Variants in NCK2 observed in about 807,000 individuals in gnomAD.
The protein encoded by NCK2 is NCK adaptor protein 2, also known as cytoplasmic protein NCK2.
In NCK2, 16 loss-of-function variants were observed where a neutral mutation model predicts 33.9. The ratio of observed to expected loss-of-function variants is 0.47; its 90% CI spans 0.32 to 0.72. The LOEUF (loss-of-function observed/expected upper bound fraction) is 0.72, where lower values mean the gene tolerates loss of function less well. Ranked by LOEUF, NCK2 falls within the 30% of genes least tolerant of loss-of-function variation. The pLI is 0.03. For missense variants in NCK2, 418 were observed against 537.3 expected (o/e 0.78, Z 2.19); for synonymous variants, 273 against 239.9 (o/e 1.14, Z -1.27).
At position 105,866,457 on chromosome 2, in the gene NCK2, C is replaced by T. The variant is rs141797192; in HGVS notation, c.226+11168C>T. On this transcript the variant is annotated intron_variant, in intron 3 of 4. Transcript: ENST00000233154. ...ACTTTTTGGCACCAGGAACTGGTTTCGTGGAAGACAGTTTTTACATGGATG... is the reference window on the plus strand; with the variant it reads ...ACTTTTTGGCACCAGGAACTGGTTTTGTGGAAGACAGTTTTTACATGGATG... Among the ~76,000 whole-genome samples, 498 of 152,262 alleles carry T rather than the reference C, an allele frequency of 3.3e-3. 5 individuals carry two copies. The highest frequency in any genetic ancestry group is 0.012 in the African/African-American group (480 of 41,548).
intron 2 of NCK2, among the ~76,000 whole-genome samples, chr2:105,819,082 G>A (rs1300177938): frequency 6.6e-6 from 1 of 152,156 alleles, no homozygotes; most frequent in African/African-American, 2.4e-5. Flanking sequence ...GTTGTGTGTT[G>A]TGATTTCCAG....
At chr2:105,813,208 C>T (rs879863777) in intron 1 of NCK2, among the ~76,000 whole-genome samples, 5 of 152,172 alleles carry the variant, frequency 3.3e-5, no homozygotes, top group South Asian at 2.1e-4. Flanking sequence ...GGTGAAGCCA[C>T]GGCGAGTGTC....
rs551022503 is a variant in NCK2, at chr2:105,785,531, C to T, written c.-200-30899C>T. Among the ~76,000 whole-genome samples, 38 of 152,326 alleles carry T rather than the reference C, an allele frequency of 2.5e-4. No homozygotes were observed. In the South Asian group the frequency reaches 5.4e-3, roughly 22 times the overall value. ...AAAATCTAATGCAGCCTGCCCAGTC[C>T]TCCTTGTAACCTGGTCCCACTGACA... On this transcript the variant is annotated intron_variant, in intron 1 of 4. Transcript: ENST00000233154.
At chr2:105,792,289 T>C (rs1690912693) in intron 1 of NCK2, among the ~76,000 whole-genome samples, 2 of 152,334 alleles carry the variant, frequency 1.3e-5, no homozygotes, top group Non-Finnish European at 2.9e-5. Flanking sequence ...ATCAAGATCA[T>C]CATATTCAGT....
At chr2:105,772,693 A>G (rs1690172888) in intron 1 of NCK2, among the ~76,000 whole-genome samples, 1 of 152,110 alleles carries the variant, frequency 6.6e-6, no homozygotes, top group Non-Finnish European at 1.5e-5. Flanking sequence ...GCTCAGAGGC[A>G]TTAGTGACCT....
intron 1 of NCK2, among the ~76,000 whole-genome samples, chr2:105,780,382 C>T (rs1690453572): frequency 6.6e-6 from 1 of 151,972 alleles, no homozygotes; most frequent in Admixed American, 6.6e-5. Context: ...AAAGGACACA[C>T]ACACATACTC....
chr2:105,851,725 C>T (rs940590734), intron 2 of NCK2: 2 of 152,390 alleles, frequency 1.3e-5, no homozygotes, highest in Admixed American at 6.5e-5. Context: ...TGCAGTGAGG[C>T]AGTTGTTGAT....
chr2:105,830,670 G>GGGGTGTGTGT (rs377563718), intron 2 of NCK2, among the ~76,000 whole-genome samples: 1 of 98,986 alleles, frequency 1.0e-5, no homozygotes, highest in African/African-American at 4.0e-5. Context: ...CCAGGAATTT[G>GGGGTGTGTGT]GTGTGTGTGT....
At chr2:105,805,304 G>C (rs979229297) in intron 1 of NCK2, among the ~76,000 whole-genome samples, 2 of 152,032 alleles carry the variant, frequency 1.3e-5, no homozygotes, top group African/African-American at 2.4e-5. Flanking sequence ...GTTATGAAAG[G>C]GTCCAGCGTT....
intron 1 of NCK2, among the ~76,000 whole-genome samples, chr2:105,774,554 C>G (rs981170041): frequency 2.6e-5 from 4 of 152,186 alleles, no homozygotes; most frequent in Non-Finnish European, 4.4e-5. Context: ...GTCCCAGAGT[C>G]AGATTTGATC....
At position 105,779,090 on chromosome 2, in the gene NCK2, T is replaced by A. The variant is rs528600946; in HGVS notation, c.-201+33952T>A. ...GGGAGGCTGAGGCAGGTGGATCACTTGAGGTCATGAGTTTTTGGCCAGCCT... is the reference window on the plus strand; with the variant it reads ...GGGAGGCTGAGGCAGGTGGATCACTAGAGGTCATGAGTTTTTGGCCAGCCT... On this transcript the variant is annotated intron_variant, in intron 1 of 4. Coordinates refer to ENST00000233154, the MANE Select transcript of NCK2 (RefSeq NM_003581.5). 4.6e-5 allele frequency among the ~76,000 whole-genome samples: 7 copies of A among 152,134 alleles called. No homozygotes were observed. The East Asian group carries it at 1.4e-3, about 29-fold the overall frequency.
At chr2:105,882,804 A>G (rs1678562123) in intron 4 of NCK2, among the ~76,000 whole-genome samples, 1 of 152,170 alleles carries the variant, frequency 6.6e-6, no homozygotes, top group Non-Finnish European at 1.5e-5. Context: ...TTCCGAATAC[A>G]CCTTCTACAA....
At chr2:105,872,058 C>T (rs77779807) in intron 3 of NCK2, among the ~76,000 whole-genome samples, 1,824 of 152,308 alleles carry the variant, frequency 0.012, 39 homozygotes, top group African/African-American at 0.041. Flanking sequence ...AGAATTTCTT[C>T]TTCCTTAAAC....
At position 105,866,067 on chromosome 2, in the gene NCK2, G is replaced by A. The variant is rs886183478; in HGVS notation, c.226+10778G>A. Among the ~76,000 whole-genome samples the A allele has an allele frequency of 2.6e-5, 4 of 152,038 alleles. No homozygotes were observed. In the East Asian group the frequency reaches 5.8e-4, roughly 22 times the overall value. On this transcript the variant is annotated intron_variant, in intron 3 of 4. Coordinates refer to ENST00000233154, the MANE Select transcript of NCK2 (RefSeq NM_003581.5). ...GTAGCTGGGATTACAGGCATGCGCCGCCACACCCAGTTGATTTTGTATTTT... is the reference window on the plus strand; with the variant it reads ...GTAGCTGGGATTACAGGCATGCGCCACCACACCCAGTTGATTTTGTATTTT...
At chr2:105,771,943 C>G (rs1156474942) in intron 1 of NCK2, among the ~76,000 whole-genome samples, 2 of 152,164 alleles carry the variant, frequency 1.3e-5, no homozygotes, top group Non-Finnish European at 2.9e-5. Flanking sequence ...TGTTCCAGGG[C>G]CTCATTTTCC....
chr2:105,748,610 G>T lies in NCK2; in HGVS notation c.-201+3472G>T, dbSNP rs114716247. Reference sequence around the variant, plus strand: ...TTTATTTTTATTTTGTAGAGACAGGGTCTTGCTGCTTTGCCAAGGCTGGTC... The same window carrying T: ...TTTATTTTTATTTTGTAGAGACAGGTTCTTGCTGCTTTGCCAAGGCTGGTC... On this transcript the variant is annotated intron_variant, in intron 1 of 4. Transcript: ENST00000233154. 6.6e-3 allele frequency among the ~76,000 whole-genome samples: 1,003 copies of T among 152,086 alleles called. 11 individuals carry two copies. Among genetic ancestry groups the T allele is most frequent in the African/African-American group, 0.023 (956 of 41,462 alleles).
chr2:105,779,330 C>T (rs990697631), intron 1 of NCK2, among the ~76,000 whole-genome samples: 1 of 149,294 alleles, frequency 6.7e-6, no homozygotes, highest in Admixed American at 6.7e-5. Context: ...AAAAAGAATC[C>T]GTCATAAAAT....
chr2:105,779,230 C>T (rs147670809), intron 1 of NCK2, among the ~76,000 whole-genome samples: 4,278 of 145,488 alleles, frequency 0.029, 80 homozygotes, highest in Non-Finnish European at 0.045. Context: ...TCGCTAGAAA[C>T]TGGGAGACAG....
chr2:105,818,582 C>A (rs987752011), intron 2 of NCK2, among the ~76,000 whole-genome samples: 2 of 151,798 alleles, frequency 1.3e-5, no homozygotes, highest in South Asian at 2.1e-4. Flanking sequence ...GAAAGCAAAC[C>A]AAATTTTAAT....
Sources: gnomAD v4.1 joint callset for allele counts (sites outside exome capture counted in the v4.1 genomes callset) on GRCh38, gnomAD v4.1.1 for gene constraint, MANE v1.5 for transcripts, NCBI Gene and HGNC (gene_info 2026-07-23, HGNC 2026-07-21) for gene names.